The following ACAA1 variants were observed in gnomAD, a reference collection of about 807,000 sequenced individuals.
The protein encoded by ACAA1 is acetyl-CoA acyltransferase 1, also known as 3-ketoacyl-CoA thiolase, peroxisomal.
ACAA1 carries 44 observed loss-of-function variants against 48.8 expected under a neutral mutation model. The observed-to-expected ratio is 0.90, with a 90% CI of 0.71 to 1.16. ACAA1 has a LOEUF of 1.16. ACAA1 is among the 50% of genes most tolerant of loss of function. ACAA1 has a pLI of 0.00. For synonymous variants in ACAA1, 233 were observed against 226.5 expected (o/e 1.03, Z -0.26); for missense variants, 512 against 562.3 (o/e 0.91, Z 0.90).
rs377344889 is a variant in ACAA1, at chr3:38,126,497, G to A, written c.817+13C>T. 96 of 1,614,070 alleles carry A rather than the reference G, an allele frequency of 5.9e-5. No individual in the cohort carries two copies. Among genetic ancestry groups the A allele is most frequent in the African/African-American group, 1.5e-4 (11 of 74,914 alleles). On this transcript the variant is annotated intron_variant, in intron 8 of 11. Coordinates refer to ENST00000333167, the MANE Select transcript of ACAA1 (RefSeq NM_001607.4). The surrounding 1 kb of genome is among the most constrained non-coding windows in gnomAD (Gnocchi z 4.7). ...GCCTGCTTTCTCATACCCCTACCCC[G>A]GACCAGTCTCACCAGCTGTGGTAGA...
At position 38,125,593 on chromosome 3, in the gene ACAA1, G is replaced by A. The variant is rs1441426643; in HGVS notation, c.1171C>T (p.Leu391Phe). 1.9e-6 allele frequency: 3 copies of A among 1,582,708 alleles called. No individual in the cohort carries two copies. The highest frequency in any genetic ancestry group is 2.6e-6 in the Non-Finnish European group (3 of 1,163,542). ...TTCCCACGGCGCTTCAGCTCATTGA[G>A]CAGCGTGATGACCTGTCGTGCCCCA... ...CTGARQVITL[L>F]NELKRRGKRA... Residue 391 changes from leucine (L) to phenylalanine (F), a missense_variant, in exon 11 of 12, where the codon CTC becomes TTC. Leu to Phe is a conservative substitution (Grantham distance 22, BLOSUM62 0). Transcript: ENST00000333167.
At position 38,122,871 on chromosome 3, in the gene ACAA1, T is replaced by C; in HGVS notation, c.*176A>G. On this transcript the variant is annotated 3_prime_UTR_variant, in exon 12 of 12. Transcript: ENST00000333167. ...ATGGGTGGCTCAACACCCCACCCACTCCTATACCATGTCATCAGTGTTCAC... is the reference window on the plus strand; with the variant it reads ...ATGGGTGGCTCAACACCCCACCCACCCCTATACCATGTCATCAGTGTTCAC... 1 of 792,852 alleles carries C rather than the reference T, an allele frequency of 1.3e-6. No homozygotes were observed. Among genetic ancestry groups the C allele is most frequent in the Non-Finnish European group, 2.0e-6 (1 of 503,266 alleles). 49.1% of individuals were successfully genotyped at this position (792,852 alleles called of 1,614,324 possible).
intron 7 of ACAA1, 185 bp downstream of exon 7, chr3:38,127,601 A>T: frequency 1.6e-6 from 1 of 625,218 alleles, no homozygotes; most frequent in African/African-American, 1.8e-5. Flanking sequence ...TAGAACCTGG[A>T]AGTACTACCA....
In ACAA1 at chr3:38,137,007, T is replaced by G; in HGVS notation, c.29A>C (p.His10Pro). The change falls in exon 1 of 12, where the codon CAC (histidine) becomes CCC (proline). Residue 10 changes from histidine (H) to proline (P), a missense_variant. Transcript: ENST00000333167. ...GCCGGAATCGGCCGGACCCCTCAGG[T>G]GGCCCAGCACTACCTGCAGCCTCTG... MQRLQVVLG[H>P]LRGPADSGWM... The G allele has an allele frequency of 1.3e-6, 2 of 1,566,222 alleles. No individual in the cohort carries two copies. The highest frequency in any genetic ancestry group is 1.7e-6 in the Non-Finnish European group (2 of 1,157,876).
At position 38,127,774 on chromosome 3, in the gene ACAA1, A is replaced by G. The variant is rs370223318; in HGVS notation, c.626+12T>C. 1.8e-5 allele frequency: 29 copies of G among 1,613,162 alleles called. No homozygotes were observed. The highest frequency in any genetic ancestry group is 3.3e-4 in the Middle Eastern group (2 of 6,082). On this transcript the variant is annotated intron_variant, in intron 7 of 11. Transcript: ENST00000333167. ...CCAGCCCTTTAAACATTCCTCCCCA[A>G]TCAGCACTCACTTCTGCTGGGAAGC...
In ACAA1 at chr3:38,129,191, C is replaced by G. The variant is rs928916753; in HGVS notation, c.545+99G>C. On this transcript the variant is annotated intron_variant, in intron 6 of 11. Coordinates refer to ENST00000333167, the MANE Select transcript of ACAA1 (RefSeq NM_001607.4). This position sits in a 1 kb window ranked among gnomAD's most constrained non-coding sequence, Gnocchi z 5.3. ...CAGACCATGCCCAAAGGAAGGAGGC[C>G]AAGGCTTGGCACCACCAGCCACAGA... 13 of 1,103,692 alleles carry G rather than the reference C, an allele frequency of 1.2e-5. No homozygotes were observed. The highest frequency in any genetic ancestry group is 1.6e-5 in the Non-Finnish European group (12 of 747,070). 68.4% of individuals were successfully genotyped at this position (1,103,692 alleles called of 1,614,324 possible).
At chr3:38,127,948 C>CT in intron 6 of ACAA1, 82 bp from the exon 7 acceptor site, 1 of 1,450,256 alleles carries the variant, frequency 6.9e-7, no homozygotes, top group South Asian at 1.2e-5. Flanking sequence ...GTGCTTGGAA[C>CT]TTTGGGTTCC....
chr3:38,127,902 C>G (rs1700710565), intron 6 of ACAA1, 36 bp from the exon 7 acceptor site: 1 of 1,609,586 alleles, frequency 6.2e-7, no homozygotes, highest in Non-Finnish European at 8.5e-7. Flanking sequence ...GGGCATTGGT[C>G]TGACAGCCTA....
chr3:38,123,444 C>A (rs1221135454), intron 11 of ACAA1: 1 of 237,550 alleles, frequency 4.2e-6, no homozygotes, highest in Non-Finnish European at 8.1e-6. Flanking sequence ...ACACAATCAT[C>A]CCAAATGTTG....
chr3:38,131,181 C>T (rs1700778429), intron 5 of ACAA1, among the ~76,000 whole-genome samples: 1 of 152,214 alleles, frequency 6.6e-6, no homozygotes, highest in Non-Finnish European at 1.5e-5. Flanking sequence ...AAGGGACAGA[C>T]AGCCTAGTAA....
Position 38,129,630 on chromosome 3 carries a change from G to A in ACAA1, c.447-242C>T, listed in dbSNP as rs1043168164. ...CACTGCACAATAAACACTCCTGGGG[G>A]CAGGGCTATGCTTCCCTATACACTG... On this transcript the variant is annotated intron_variant, in intron 5 of 11. Transcript: ENST00000333167. The surrounding 1 kb of genome is among the most constrained non-coding windows in gnomAD (Gnocchi z 5.3). Among the ~76,000 whole-genome samples, 1 of 152,238 alleles carries A rather than the reference G, an allele frequency of 6.6e-6. No individual in the cohort carries two copies. Among genetic ancestry groups the A allele is most frequent in the Non-Finnish European group, 1.5e-5 (1 of 68,040 alleles).
intron 6 of ACAA1, among the ~76,000 whole-genome samples, chr3:38,128,486 C>T (rs1700723208): frequency 6.6e-6 from 1 of 152,236 alleles, no homozygotes; most frequent in Non-Finnish European, 1.5e-5. Flanking sequence ...CTCCAAGCCT[C>T]AGTCTCCTCA....
chr3:38,131,498 G>T, intron 5 of ACAA1, 98 bp downstream of exon 5: 2 of 1,313,702 alleles, frequency 1.5e-6, no homozygotes, highest in Non-Finnish European at 2.2e-6. Context: ...TAAAGGGGAT[G>T]GGGGGAATCC....
rs1472922195 is a variant in ACAA1, at chr3:38,129,301, C to G, written c.534G>C (p.Leu178=). ...ATGGGAGCACTCACCCCATAGGAAT[C>G]AGGCAATCTCTGGCCTTCTCCTTCT... ...LMEKEKARDC[L]IPMGITSENV... is the part of the protein sequence containing the mutation. Residue 178 remains leucine (L), a synonymous_variant, in exon 6 of 12, where the codon CTG becomes CTC. Coordinates refer to ENST00000333167, the MANE Select transcript of ACAA1 (RefSeq NM_001607.4). The surrounding 1 kb of genome is among the most constrained non-coding windows in gnomAD (Gnocchi z 5.3). 1.3e-5 allele frequency: 21 copies of G among 1,613,888 alleles called. No homozygotes were observed. Among genetic ancestry groups the G allele is most frequent in the Non-Finnish European group, 1.7e-5 (20 of 1,179,894 alleles).
rs1700789892 is a variant in ACAA1 at position 38,131,582 on chromosome 3, A to G, written c.446+14T>C. 3 of 1,613,646 alleles carry G rather than the reference A, an allele frequency of 1.9e-6. No individual in the cohort carries two copies. On this transcript the variant is annotated intron_variant, in intron 5 of 11. Coordinates refer to ENST00000333167, the MANE Select transcript of ACAA1 (RefSeq NM_001607.4). ...CAAGTTGGTTAATAAGCTCCGGCAGAAAAAAATTCTTACCCACAGGCCATG... is the reference window on the plus strand; with the variant it reads ...CAAGTTGGTTAATAAGCTCCGGCAGGAAAAAATTCTTACCCACAGGCCATG...
chr3:38,134,306 G>C, intron 2 of ACAA1: 2 of 491,008 alleles, frequency 4.1e-6, no homozygotes, highest in Non-Finnish European at 7.4e-6. Flanking sequence ...AGTGAAATGG[G>C]AGTTTCTGAA....
intron 11 of ACAA1, 132 bp downstream of exon 11, chr3:38,125,433 T>G (rs564291709): frequency 4.8e-5 from 55 of 1,147,826 alleles, no homozygotes; most frequent in Non-Finnish European, 6.1e-5. Flanking sequence ...ATTTCAACAT[T>G]TGGGATTATG....
chr3:38,128,194 G>A (rs528115781), intron 6 of ACAA1, among the ~76,000 whole-genome samples: 3 of 152,276 alleles, frequency 2.0e-5, no homozygotes, highest in Admixed American at 6.5e-5. Context: ...CTGCCTCAGC[G>A]CAGGGTAGAA....
chr3:38,128,753 G>A lies in ACAA1; in HGVS notation c.545+537C>T, dbSNP rs569280873. Among the ~76,000 whole-genome samples, 49 of 152,224 alleles carry A rather than the reference G, an allele frequency of 3.2e-4. 1 individual carries two copies. In the South Asian group the frequency reaches 8.9e-3, roughly 28 times the overall value. ...ACTACAGGCGCTCACCACCGCGCCC[G>A]GCTAATTTTTTGTATTTTCAGTAGA... is the stretch of plus-strand genomic sequence containing the variant. On this transcript the variant is annotated intron_variant, in intron 6 of 11. Transcript: ENST00000333167.
Sources: gnomAD v4.1 joint callset for allele counts (sites outside exome capture counted in the v4.1 genomes callset) on GRCh38, gnomAD v4.1.1 for gene constraint, Gnocchi (gnomAD v3.1) non-coding constraint, MANE v1.5 for transcripts, NCBI Gene and HGNC (gene_info 2026-07-23, HGNC 2026-07-21) for gene names.